Variants in TNPO1 observed in about 807,000 individuals in gnomAD.
The protein encoded by TNPO1 is transportin-1.
TNPO1 carries 8 observed loss-of-function variants against 119.5 expected under a neutral mutation model. That is an observed-to-expected ratio of 0.07 (90% confidence interval 0.04 to 0.12). The LOEUF is 0.12. Among genes scored for constraint, TNPO1 ranks in the 10% least tolerant of loss-of-function variants. The probability of loss-of-function intolerance (pLI) is 1.00; values close to 1 mark genes in which losing one functional copy is unlikely to be tolerated. For synonymous variants in TNPO1, 362 were observed against 363.0 expected, an observed-to-expected ratio of 1.00 and a Z score of 0.03; for missense variants, 576 against 1,089.8, an observed-to-expected ratio of 0.53 and a Z score of 6.64.
At chr5:72,844,688 TG>T (rs976069839) in intron 1 of TNPO1, among the ~76,000 whole-genome samples, 3 of 152,204 alleles carry the variant, frequency 2.0e-5, no homozygotes, top group African/African-American at 7.2e-5. Flanking sequence ...ATTTTAGGGT[TG>T]GGAAACTAAG....
In TNPO1 at chr5:72,851,165, C is replaced by T. The variant is rs148280464; in HGVS notation, c.130-79C>T. 8.1e-6 allele frequency: 7 copies of T among 863,460 alleles called. No homozygotes were observed. The African/African-American group carries it at 1.2e-4, about 15-fold the overall frequency. The allele number at this position is 863,460 out of a possible 1,614,324, so 53.5% of individuals were successfully genotyped here. A position where few individuals can be genotyped will look rare whatever the true frequency, so the allele number is the denominator to read the frequency against. On this transcript the variant is annotated intron_variant, in intron 2 of 24. Coordinates refer to ENST00000337273, the MANE Select transcript of TNPO1 (RefSeq NM_002270.4). ...GGACTGAAAATACCACCAAAGAGAT[C>T]CTTGATTTTTAGATTTAAAATGCTT... is the stretch of plus-strand genomic sequence containing the variant.
At chr5:72,846,289 T>A (rs559602529) in intron 1 of TNPO1, among the ~76,000 whole-genome samples, 3 of 152,270 alleles carry the variant, frequency 2.0e-5, no homozygotes, top group Admixed American at 2.0e-4. Flanking sequence ...GTTGAACAAA[T>A]TATGCTCTAT....
chr5:72,878,742 G>A (rs1157292934), intron 9 of TNPO1: 2 of 246,846 alleles, frequency 8.1e-6, no homozygotes, highest in South Asian at 4.6e-5. Flanking sequence ...TTAATGATAC[G>A]TTTGAGTTTC....
In TNPO1 at chr5:72,913,980, T is replaced by C. The variant is rs992746398; in HGVS notation, c.*5307T>C. On this transcript the variant is annotated 3_prime_UTR_variant, in exon 25 of 25. Coordinates refer to ENST00000337273, the MANE Select transcript of TNPO1 (RefSeq NM_002270.4). ...TATGTTAACATTGGGTGCAATAATT[T>C]AGTAGCATTAGCTTTAGTTACAAAT... 1.3e-5 allele frequency: 2 copies of C among 152,596 alleles called. No individual in the cohort carries two copies. Among genetic ancestry groups the C allele is most frequent in the African/African-American group, 2.4e-5 (1 of 41,458 alleles). 9.5% of individuals were successfully genotyped at this position (152,596 alleles called of 1,614,324 possible).
At chr5:72,851,907 A>G (rs1745604692) in intron 3 of TNPO1, among the ~76,000 whole-genome samples, 2 of 152,246 alleles carry the variant, frequency 1.3e-5, no homozygotes, top group African/African-American at 4.8e-5. Context: ...AGATGGATAT[A>G]ACAAAGGTTG....
chr5:72,868,460 C>CAA (rs1747119329), intron 6 of TNPO1, among the ~76,000 whole-genome samples: 3 of 76,484 alleles, frequency 3.9e-5, no homozygotes, highest in Non-Finnish European at 8.3e-5. Context: ...AAAAAAAAAA[C>CAA]ACAAAATAAT....
At chr5:72,854,651 C>T (rs1022669859) in intron 3 of TNPO1, among the ~76,000 whole-genome samples, 3 of 152,160 alleles carry the variant, frequency 2.0e-5, no homozygotes, top group Non-Finnish European at 4.4e-5. Flanking sequence ...ACTTGGAAAG[C>T]ACTTAGCAAT....
intron 1 of TNPO1, among the ~76,000 whole-genome samples, chr5:72,833,124 C>T (rs1013409756): frequency 6.6e-6 from 1 of 152,150 alleles, no homozygotes; most frequent in African/African-American, 2.4e-5. Context: ...TAAACCTCCC[C>T]TTTTCTCTTA....
intron 14 of TNPO1, 137 bp downstream of exon 14, chr5:72,890,094 T>C: frequency 2.1e-6 from 2 of 936,264 alleles, no homozygotes. Context: ...GTATAGATCT[T>C]ACAAAGGCAG....
At chr5:72,827,490 G>A (rs1174120217) in intron 1 of TNPO1, among the ~76,000 whole-genome samples, 2 of 152,138 alleles carry the variant, frequency 1.3e-5, no homozygotes, top group East Asian at 3.8e-4. Context: ...CAGCAGAGGG[G>A]GTGAGAAGTG....
intron 6 of TNPO1, among the ~76,000 whole-genome samples, chr5:72,868,869 G>C (rs1357361200): frequency 1.3e-5 from 2 of 151,984 alleles, no homozygotes; most frequent in African/African-American, 4.8e-5. Context: ...TTAGCTGGAC[G>C]TGGTGGCGGG....
chr5:72,904,983 A>G (rs953947235), intron 23 of TNPO1, among the ~76,000 whole-genome samples: 1 of 152,202 alleles, frequency 6.6e-6, no homozygotes, highest in African/African-American at 2.4e-5. Flanking sequence ...CCCCTTATCA[A>G]ACCGTCAGAT....
intron 4 of TNPO1, among the ~76,000 whole-genome samples, chr5:72,857,198 A>T (rs995338392): frequency 1.3e-5 from 2 of 151,946 alleles, no homozygotes; most frequent in African/African-American, 4.8e-5. Context: ...TGTGCTTGTA[A>T]TCCCAGCTAC....
intron 9 of TNPO1, chr5:72,878,778 CAT>C: frequency 3.3e-6 from 1 of 307,456 alleles, no homozygotes; most frequent in South Asian, 3.1e-5. Context: ...TTTTAAATGT[CAT>C]AGATACTAAT....
At chr5:72,855,183 A>G (rs748958223) in intron 3 of TNPO1, among the ~76,000 whole-genome samples, 4 of 151,894 alleles carry the variant, frequency 2.6e-5, no homozygotes, top group Non-Finnish European at 5.9e-5. Context: ...TTTAGTAGAT[A>G]CGGGGTTTCA....
At chr5:72,861,015 C>T (rs1407515685) in intron 4 of TNPO1, among the ~76,000 whole-genome samples, 7 of 151,778 alleles carry the variant, frequency 4.6e-5, no homozygotes, top group African/African-American at 1.5e-4. Flanking sequence ...CGGGTTCAAG[C>T]GATTCTCCTG....
chr5:72,836,524 C>T (rs781283725), intron 1 of TNPO1, among the ~76,000 whole-genome samples: 1 of 152,192 alleles, frequency 6.6e-6, no homozygotes, highest in Non-Finnish European at 1.5e-5. Flanking sequence ...AAGGCACTGA[C>T]ATTCTGGGCT....
chr5:72,821,444 G>T (rs1345765890), intron 1 of TNPO1, among the ~76,000 whole-genome samples: 1 of 152,118 alleles, frequency 6.6e-6, no homozygotes, highest in Non-Finnish European at 1.5e-5. Flanking sequence ...TATCCAACAA[G>T]ATTTTAAAGA....
At chr5:72,902,936 A>AT (rs1242715703) in intron 22 of TNPO1, among the ~76,000 whole-genome samples, 9 of 152,142 alleles carry the variant, frequency 5.9e-5, no homozygotes, top group Non-Finnish European at 8.8e-5. Context: ...GTATTACCAA[A>AT]TTTTTTGAAA....
Sources: gnomAD v4.1 joint callset for allele counts (sites outside exome capture counted in the v4.1 genomes callset) on GRCh38, gnomAD v4.1.1 for gene constraint, MANE v1.5 for transcripts, NCBI Gene and HGNC (gene_info 2026-07-23, HGNC 2026-07-21) for gene names.